The following KCNMA1 variants were observed in gnomAD, a reference collection of about 807,000 sequenced individuals.
KCNMA1 encodes Calcium-activated potassium channel subunit alpha-1.
In KCNMA1, 29 loss-of-function variants were observed where a neutral mutation model predicts 140.0. That is an observed-to-expected ratio of 0.21 (90% confidence interval 0.15 to 0.28). KCNMA1 has a LOEUF of 0.28. KCNMA1 is among the 10% of genes least tolerant of loss of function. The pLI, the probability that KCNMA1 is intolerant of heterozygous loss-of-function variation, is 1.00. For missense variants in KCNMA1, 880 were observed against 1,602.2 expected, an observed-to-expected ratio of 0.55 and a Z score of 7.70; for synonymous variants, 612 against 611.9, an observed-to-expected ratio of 1.00 and a Z score of 0.00.
At chr10:77,628,757 A>C (rs971368750) in intron 1 of KCNMA1, among the ~76,000 whole-genome samples, 3 of 152,236 alleles carry the variant, frequency 2.0e-5, no homozygotes, top group Non-Finnish European at 4.4e-5. Context: ...TGTTTACCTT[A>C]ATTACTTCTT....
At chr10:77,551,242 T>C (rs761019433) in intron 1 of KCNMA1, among the ~76,000 whole-genome samples, 1 of 152,202 alleles carries the variant, frequency 6.6e-6, no homozygotes, top group African/African-American at 2.4e-5. Context: ...TATGCTCTTA[T>C]ATGTACAGGG....
At chr10:77,631,865 G>A (rs1196225415) in intron 1 of KCNMA1, among the ~76,000 whole-genome samples, 3 of 152,156 alleles carry the variant, frequency 2.0e-5, no homozygotes, top group Non-Finnish European at 4.4e-5. Flanking sequence ...CTAGAAGCAG[G>A]GCTAGCCCAA....
intron 14 of KCNMA1, among the ~76,000 whole-genome samples, chr10:77,051,306 C>T (rs746484888): frequency 6.6e-6 from 1 of 152,122 alleles, no homozygotes; most frequent in Non-Finnish European, 1.5e-5. Flanking sequence ...AGGGTTCAGT[C>T]GTAAACTTTA....
At chr10:77,242,446 T>C (rs1194783820) in intron 3 of KCNMA1, among the ~76,000 whole-genome samples, 1 of 152,170 alleles carries the variant, frequency 6.6e-6, no homozygotes, top group Non-Finnish European at 1.5e-5. Flanking sequence ...GAGTTTTCTG[T>C]CTATTCAACT....
At chr10:77,475,399 A>G (rs559489481) in intron 1 of KCNMA1, among the ~76,000 whole-genome samples, 1 of 152,294 alleles carries the variant, frequency 6.6e-6, no homozygotes, top group East Asian at 1.9e-4. Context: ...AAGATGCTTT[A>G]GGATTGTGGT....
At chr10:77,073,699 C>G (rs1252016205) in intron 13 of KCNMA1, among the ~76,000 whole-genome samples, 1 of 152,198 alleles carries the variant, frequency 6.6e-6, no homozygotes, top group African/African-American at 2.4e-5. Context: ...TCAGAATCAC[C>G]TGTACAGTTT....
At chr10:77,228,435 G>C (rs2052337912) in intron 3 of KCNMA1, among the ~76,000 whole-genome samples, 1 of 152,110 alleles carries the variant, frequency 6.6e-6, no homozygotes, top group Non-Finnish European at 1.5e-5. Flanking sequence ...TGATCGAGAA[G>C]AGCACTATAA....
chr10:76,969,611 G>A (rs562439490), intron 20 of KCNMA1, among the ~76,000 whole-genome samples: 2 of 152,278 alleles, frequency 1.3e-5, no homozygotes, highest in Admixed American at 6.5e-5. Flanking sequence ...AGAGACTGCC[G>A]CAGGCAAACT....
intron 1 of KCNMA1, among the ~76,000 whole-genome samples, chr10:77,513,577 G>C (rs544955966): frequency 6.6e-6 from 1 of 152,296 alleles, no homozygotes; most frequent in East Asian, 1.9e-4. Context: ...ATATCAAAAA[G>C]AGCCAGCCAA....
intron 2 of KCNMA1, among the ~76,000 whole-genome samples, chr10:77,334,260 A>G (rs1184440618): frequency 2.0e-5 from 3 of 152,190 alleles, no homozygotes; most frequent in Non-Finnish European, 2.9e-5. Flanking sequence ...TTCACTGAGC[A>G]TTTTGTGGGG....
chr10:77,112,854 A>G (rs1453310652), intron 6 of KCNMA1, among the ~76,000 whole-genome samples: 2 of 151,648 alleles, frequency 1.3e-5, no homozygotes, highest in African/African-American at 4.8e-5. Flanking sequence ...ATATATATAT[A>G]TATATTTGCT....
chr10:77,577,611 G>A (rs2074609467), intron 1 of KCNMA1, among the ~76,000 whole-genome samples: 1 of 152,208 alleles, frequency 6.6e-6, no homozygotes, highest in African/African-American at 2.4e-5. Flanking sequence ...CGTAACTTAT[G>A]TATAGATAAA....
chr10:77,094,773 T>A (rs72805525), intron 9 of KCNMA1, among the ~76,000 whole-genome samples: 9,634 of 152,044 alleles, frequency 0.063, 400 homozygotes, highest in Non-Finnish European at 0.091. Context: ...CAATCAGAGG[T>A]AATTGCAGCC....
At chr10:77,549,753 G>A (rs2062315370) in intron 1 of KCNMA1, among the ~76,000 whole-genome samples, 1 of 152,186 alleles carries the variant, frequency 6.6e-6, no homozygotes, top group Non-Finnish European at 1.5e-5. Context: ...GACAATTAGC[G>A]AAAGGTTAGA....
At chr10:77,317,230 C>T (rs540434807) in intron 2 of KCNMA1, among the ~76,000 whole-genome samples, 135 of 152,246 alleles carry the variant, frequency 8.9e-4, no homozygotes, top group African/African-American at 3.1e-3. Flanking sequence ...CCACAGGTGA[C>T]CACCTGACTC....
At chr10:77,395,284 A>T (rs1566552827) in intron 2 of KCNMA1, among the ~76,000 whole-genome samples, 1 of 152,128 alleles carries the variant, frequency 6.6e-6, no homozygotes, top group African/African-American at 2.4e-5. Flanking sequence ...CAGGAGTTTG[A>T]GGTTGCAGGG....
intron 1 of KCNMA1, chr10:77,634,815 A>ACACAC: frequency 1.1e-5 from 2 of 174,066 alleles, no homozygotes; most frequent in Non-Finnish European, 2.2e-5. Flanking sequence ...ACACACACAC[A>ACACAC]ATTGCAATAA....
chr10:77,205,896 T>C (rs986806686), intron 3 of KCNMA1, among the ~76,000 whole-genome samples: 55 of 152,224 alleles, frequency 3.6e-4, no homozygotes, highest in African/African-American at 1.2e-3. Context: ...GGGTAGGCAA[T>C]TCTACAAAGA....
intron 3 of KCNMA1, among the ~76,000 whole-genome samples, chr10:77,232,229 C>G (rs777517419): frequency 6.6e-5 from 10 of 152,180 alleles, no homozygotes; most frequent in Non-Finnish European, 1.0e-4. Flanking sequence ...TGTTCAAGCG[C>G]AAGTTTTGTG....
Sources: allele counts gnomAD v4.1 joint callset (sites outside exome capture counted in the v4.1 genomes callset), GRCh38; gene constraint gnomAD v4.1.1; transcripts MANE v1.5; gene names NCBI Gene and HGNC (gene_info 2026-07-23, HGNC 2026-07-21).